The following PROCR variants were observed in gnomAD, a reference collection of about 807,000 sequenced individuals.
PROCR encodes the protein endothelial protein C receptor.
A neutral mutation model predicts 24.2 loss-of-function variants in PROCR; 22 were observed. That is an observed-to-expected ratio of 0.91 (90% CI 0.65 to 1.30). PROCR has a LOEUF of 1.30. PROCR is among the 50% of genes most tolerant of loss of function. The pLI is 0.00. For missense variants in PROCR, 288 were observed against 307.7 expected, an observed-to-expected ratio of 0.94 and a Z score of 0.48; for synonymous variants, 137 against 139.2, an observed-to-expected ratio of 0.98 and a Z score of 0.11.
chr20:35,195,820 C>CA lies in PROCR; in HGVS notation c.94+19391dup, dbSNP rs58205912. Among the ~76,000 whole-genome samples, 905 of 77,218 alleles carry CA rather than the reference C, an allele frequency of 0.012. 13 individuals carry two copies. In the East Asian group the frequency reaches 0.13, roughly 11 times the overall value. The allele number at this position is 77,218 out of a possible 152,430, so 50.7% of individuals were successfully genotyped here. A position where few individuals can be genotyped will look rare whatever the true frequency, so the allele number is the denominator to read the frequency against. ...TGAGTGACAGAGCAAGAGTCTGTCT[C>CA]AAAAAAAAAAAAAAAAAGAAAAAGA... is the stretch of plus-strand genomic sequence containing the variant. On this transcript the variant is annotated intron_variant, in intron 1 of 1. Transcript: ENST00000634509.
At chr20:35,199,431 G>A (rs1007022796) in intron 1 of PROCR, among the ~76,000 whole-genome samples, 3 of 152,066 alleles carry the variant, frequency 2.0e-5, no homozygotes, top group African/African-American at 7.2e-5. Context: ...ATGGATCAAG[G>A]AGTAACTTCG....
At chr20:35,186,990 A>G (rs890225003) in intron 1 of PROCR, among the ~76,000 whole-genome samples, 1 of 152,010 alleles carries the variant, frequency 6.6e-6, no homozygotes, top group African/African-American at 2.4e-5. Flanking sequence ...ATAGCTGTTT[A>G]AGTCAGTGGC....
At chr20:35,189,231 T>G (rs1006493083) in intron 1 of PROCR, among the ~76,000 whole-genome samples, 8 of 148,922 alleles carry the variant, frequency 5.4e-5, no homozygotes, top group African/African-American at 2.0e-4. Context: ...TAAGGAATAT[T>G]AATAATTAAC....
At chr20:35,199,369 G>A (rs1600749594) in intron 1 of PROCR, among the ~76,000 whole-genome samples, 1 of 152,190 alleles carries the variant, frequency 6.6e-6, no homozygotes, top group Non-Finnish European at 1.5e-5. Context: ...AGATGTACAA[G>A]GAGATTCAGG....
chr20:35,176,113 C>T (rs1438915833), intron 2 of PROCR, 55 bp from the exon 3 acceptor site: 3 of 1,574,906 alleles, frequency 1.9e-6, no homozygotes, highest in Non-Finnish European at 2.6e-6. Context: ...TGGGCCTCGC[C>T]CCACACCTGG....
intron 1 of PROCR, among the ~76,000 whole-genome samples, chr20:35,208,670 A>G (rs2060351013): frequency 6.6e-6 from 1 of 152,182 alleles, no homozygotes. Context: ...TAGTGCTTAC[A>G]TTTGTTCATT....
Position 35,172,102 on chromosome 20 carries a change from G to T in PROCR, c.-53G>T, listed in dbSNP as rs149337112. The T allele has an allele frequency of 1.9e-6, 3 of 1,573,454 alleles. No individual in the cohort carries two copies. Among genetic ancestry groups the T allele is most frequent in the Non-Finnish European group, 2.6e-6 (3 of 1,143,308 alleles). ...TCTTTTCCCTAGACTGCAGCCAGCG[G>T]AGCCCGCAGCCGGCCCGAGCCAGGA... On this transcript the variant is annotated 5_prime_UTR_variant, in exon 1 of 4. Transcript: ENST00000216968.
downstream of PROCR, among the ~76,000 whole-genome samples, chr20:35,181,892 A>C (rs997576852): frequency 6.6e-6 from 1 of 152,242 alleles, no homozygotes; most frequent in South Asian, 2.1e-4. Context: ...CTCAGAAAGT[A>C]GAACCAGGGA....
intron 1 of PROCR, among the ~76,000 whole-genome samples, chr20:35,199,202 T>G (rs1310900634): frequency 5.9e-5 from 9 of 152,198 alleles, no homozygotes; most frequent in Admixed American, 5.9e-4. Flanking sequence ...GCTCCATAAA[T>G]GGAACAACAA....
intron 1 of PROCR, among the ~76,000 whole-genome samples, chr20:35,206,474 C>CAAAAAAAAAAAAAAAAAAAAAAAAAAAAA (rs34186603): frequency 1.5e-5 from 1 of 68,782 alleles, no homozygotes; most frequent in Non-Finnish European, 2.7e-5. Context: ...GACTCTATCT[C>CAAAAAAAAAAAAAAAAAAAAAAAAAAAAA]AAAAAAAAAA....
At chr20:35,180,253 A>C (rs1412194004), downstream of PROCR, among the ~76,000 whole-genome samples, 2 of 110,482 alleles carry the variant, frequency 1.8e-5, no homozygotes, top group African/African-American at 9.0e-5. Context: ...ATCTCAAATA[A>C]ATAAATAAAT....
At chr20:35,198,410 A>T (rs911129959) in intron 1 of PROCR, among the ~76,000 whole-genome samples, 6 of 152,222 alleles carry the variant, frequency 3.9e-5, no homozygotes, top group South Asian at 2.1e-4. Flanking sequence ...AAGCCACAAC[A>T]TTCCCTTAAG....
At chr20:35,197,235 G>A (rs1044115620) in intron 1 of PROCR, among the ~76,000 whole-genome samples, 2 of 152,200 alleles carry the variant, frequency 1.3e-5, no homozygotes, top group Non-Finnish European at 2.9e-5. Flanking sequence ...TAGGATTACA[G>A]ATGTGAGCCA....
rs1291731173 is a variant in PROCR at position 35,172,186 on chromosome 20, T to C, written c.32T>C (p.Leu11Pro). The C allele has an allele frequency of 2.5e-6, 4 of 1,614,226 alleles. No individual in the cohort carries two copies. Among genetic ancestry groups the C allele is most frequent in the East Asian group, 2.2e-5 (1 of 44,864 alleles). ...ACAACATTGCTGCCGATACTGCTGC[T>C]GTCTGGCTGGGCCTTTTGTAGCCAA... MLTTLLPILL[L>P]SGWAFCSQDA... The change falls in exon 1 of 4, where the codon CTG (leucine) becomes CCG (proline). Residue 11 changes from leucine (L) to proline (P), a missense_variant. Transcript: ENST00000216968.
intron 1 of PROCR, among the ~76,000 whole-genome samples, chr20:35,198,025 C>A (rs2060304986): frequency 1.3e-5 from 2 of 152,050 alleles, no homozygotes; most frequent in African/African-American, 4.8e-5. Context: ...TGGCTCACAC[C>A]TGTAATCCCA....
At chr20:35,179,344 C>A (rs2146150110), downstream of PROCR, among the ~76,000 whole-genome samples, 1 of 151,460 alleles carries the variant, frequency 6.6e-6, no homozygotes, top group Non-Finnish European at 1.5e-5. Context: ...GGGTTTGAGA[C>A]CAGCCTAGAC....
chr20:35,209,895 C>T (rs1425582887), intron 1 of PROCR, among the ~76,000 whole-genome samples: 1 of 152,186 alleles, frequency 6.6e-6, no homozygotes, highest in Non-Finnish European at 1.5e-5. Flanking sequence ...CAGTGGTCTT[C>T]ATAGTCTTTT....
At chr20:35,179,016 G>C (rs905274168), downstream of PROCR, among the ~76,000 whole-genome samples, 1 of 150,168 alleles carries the variant, frequency 6.7e-6, no homozygotes, top group Non-Finnish European at 1.5e-5. Context: ...CGGATCACAA[G>C]GTCAGGAGAT....
intron 1 of PROCR, among the ~76,000 whole-genome samples, chr20:35,191,613 G>A (rs1460116151): frequency 3.3e-5 from 5 of 150,650 alleles, no homozygotes; most frequent in Admixed American, 6.7e-5. Context: ...TATGAAGGAA[G>A]TGCAAGAGTG....
Sources: allele counts gnomAD v4.1 joint callset (sites outside exome capture counted in the v4.1 genomes callset), GRCh38; gene constraint gnomAD v4.1.1; transcripts MANE v1.5; gene names NCBI Gene and HGNC (gene_info 2026-07-23, HGNC 2026-07-21).